Variants in ADAMTS6 observed in about 807,000 individuals in gnomAD.
The protein encoded by ADAMTS6 is ADAM metallopeptidase with thrombospondin type 1 motif 6, also known as A disintegrin and metalloproteinase with thrombospondin motifs 6.
In ADAMTS6, 23 loss-of-function variants were observed where a neutral mutation model predicts 144.3. The observed-to-expected ratio is 0.16, with a 90% CI of 0.11 to 0.23. The LOEUF is 0.23. ADAMTS6 is among the 10% of genes least tolerant of loss of function. The probability of loss-of-function intolerance (pLI) is 1.00; values close to 1 mark genes in which losing one functional copy is unlikely to be tolerated. For missense variants in ADAMTS6, 999 were observed against 1,379.6 expected, an observed-to-expected ratio of 0.72 and a Z score of 4.37; for synonymous variants, 444 against 457.5, an observed-to-expected ratio of 0.97 and a Z score of 0.38.
intron 24 of ADAMTS6, among the ~76,000 whole-genome samples, chr5:65,170,410 G>A (rs1753543542): frequency 6.6e-6 from 1 of 152,140 alleles, no homozygotes; most frequent in Non-Finnish European, 1.5e-5. Context: ...GCTCCAGAGA[G>A]GTTAAGTGAC....
chr5:65,199,365 C>T (rs1173983203), intron 20 of ADAMTS6, among the ~76,000 whole-genome samples: 5 of 152,086 alleles, frequency 3.3e-5, no homozygotes, highest in Non-Finnish European at 7.4e-5. Flanking sequence ...TGTTGTTTGG[C>T]TATAATTACA....
chr5:65,297,118 G>A (rs1191755527), intron 10 of ADAMTS6: 8 of 434,104 alleles, frequency 1.8e-5, no homozygotes, highest in Non-Finnish European at 2.7e-5. Flanking sequence ...CTGCAAAGCC[G>A]TCGCCGGAAA....
In ADAMTS6 at chr5:65,334,023, A is replaced by AC. The variant is rs1747056933; in HGVS notation, c.1117+18_1117+19insG. 2.9e-6 allele frequency: 4 copies of AC among 1,397,938 alleles called. No individual in the cohort carries two copies. The highest frequency in any genetic ancestry group is 1.9e-4 in the Middle Eastern group (1 of 5,224). 86.6% of individuals were successfully genotyped at this position (1,397,938 alleles called of 1,614,324 possible). ...AAAAAAAAAAAAAAAAAAAAAAAAA[A>AC]AAACCAAAAAAAACTTACCCAGTGT... On this transcript the variant is annotated intron_variant, in intron 8 of 24. Coordinates refer to ENST00000381055, the MANE Select transcript of ADAMTS6 (RefSeq NM_197941.4).
chr5:65,453,045 G>C (rs552012673), intron 4 of ADAMTS6, 127 bp from the exon 5 acceptor site: 11 of 692,610 alleles, frequency 1.6e-5, no homozygotes, highest in Non-Finnish European at 2.4e-5. Context: ...AAGAGAATGA[G>C]AAAATGCAGT....
rs564834814 is a variant in ADAMTS6, at chr5:65,324,605, T to C, written c.1223+4773A>G. 8.5e-4 allele frequency among the ~76,000 whole-genome samples: 129 copies of C among 152,022 alleles called. 1 individual carries two copies. Among genetic ancestry groups the C allele is most frequent in the African/African-American group, 3.0e-3 (126 of 41,502 alleles). ...TTATATATATAATGGATAAAAGTCT[T>C]TATCATATTTATATGTGTATATATA... On this transcript the variant is annotated intron_variant, in intron 9 of 24. Transcript: ENST00000381055.
chr5:65,351,792 C>T (rs901727377), intron 7 of ADAMTS6, among the ~76,000 whole-genome samples: 2 of 151,124 alleles, frequency 1.3e-5, no homozygotes, highest in African/African-American at 2.4e-5. Flanking sequence ...AGAGAGAATT[C>T]GTCTTCTTAA....
chr5:65,425,962 AC>A (rs775659099), intron 7 of ADAMTS6, among the ~76,000 whole-genome samples: 2 of 151,048 alleles, frequency 1.3e-5, no homozygotes, highest in Non-Finnish European at 3.0e-5. Flanking sequence ...ACGGGATTTC[AC>A]CATGGTCTCG....
chr5:65,259,972 CTCAG>C (rs1221365505), intron 14 of ADAMTS6, among the ~76,000 whole-genome samples: 3 of 152,072 alleles, frequency 2.0e-5, no homozygotes, highest in Non-Finnish European at 4.4e-5. Flanking sequence ...CACTTTGAGG[CTCAG>C]TCATTCAAGG....
chr5:65,213,768 G>A (rs1244026021), intron 20 of ADAMTS6, among the ~76,000 whole-genome samples: 1 of 152,126 alleles, frequency 6.6e-6, no homozygotes, highest in African/African-American at 2.4e-5. Flanking sequence ...ACAGGATGAA[G>A]TCTATATAAA....
intron 10 of ADAMTS6, among the ~76,000 whole-genome samples, chr5:65,297,538 A>G (rs1052163805): frequency 2.6e-5 from 4 of 152,204 alleles, no homozygotes; most frequent in Admixed American, 1.3e-4. Flanking sequence ...AAGCTAAAAT[A>G]AAATGTTATG....
chr5:65,176,675 C>T (rs1754001515), intron 22 of ADAMTS6, among the ~76,000 whole-genome samples: 1 of 152,094 alleles, frequency 6.6e-6, no homozygotes, highest in Admixed American at 6.5e-5. Context: ...AAAATCTTAC[C>T]TTATGGTCTG....
chr5:65,402,526 T>G (rs6875192), intron 7 of ADAMTS6, among the ~76,000 whole-genome samples: 9,442 of 152,140 alleles, frequency 0.062, 876 homozygotes, highest in African/African-American at 0.2. Flanking sequence ...TTCTTATTAT[T>G]TACTCTCAGC....
chr5:65,199,995 T>A (rs1459872456), intron 20 of ADAMTS6, among the ~76,000 whole-genome samples: 2 of 152,178 alleles, frequency 1.3e-5, no homozygotes, highest in Admixed American at 6.5e-5. Flanking sequence ...AATTGCTCTA[T>A]ATTTTATGAA....
intron 14 of ADAMTS6, among the ~76,000 whole-genome samples, chr5:65,257,253 T>G (rs977480402): frequency 6.6e-6 from 1 of 152,118 alleles, no homozygotes; most frequent in Non-Finnish European, 1.5e-5. Context: ...ACTTAAGTTC[T>G]TTGAACTCCT....
intron 14 of ADAMTS6, among the ~76,000 whole-genome samples, chr5:65,255,275 A>T (rs1488132465): frequency 6.6e-6 from 1 of 151,612 alleles, no homozygotes; most frequent in African/African-American, 2.4e-5. Context: ...TTTAATTTTA[A>T]TTTTTTTATT....
At chr5:65,307,492 G>A (rs548842989) in intron 9 of ADAMTS6, among the ~76,000 whole-genome samples, 1 of 152,254 alleles carries the variant, frequency 6.6e-6, no homozygotes, top group Admixed American at 6.5e-5. Context: ...CTTATAAAAC[G>A]TAGGATCCAG....
chr5:65,356,435 T>C (rs952711656), intron 7 of ADAMTS6, among the ~76,000 whole-genome samples: 37 of 151,996 alleles, frequency 2.4e-4, no homozygotes, highest in African/African-American at 8.4e-4. Flanking sequence ...TTATGTCAAA[T>C]GACAACTGCT....
intron 14 of ADAMTS6, among the ~76,000 whole-genome samples, chr5:65,254,177 C>G (rs1349767725): frequency 6.6e-6 from 1 of 151,938 alleles, no homozygotes; most frequent in South Asian, 2.1e-4. Flanking sequence ...ATCACCTCAC[C>G]TTTTATGATT....
At chr5:65,320,602 A>T (rs541032222) in intron 9 of ADAMTS6, among the ~76,000 whole-genome samples, 2 of 151,594 alleles carry the variant, frequency 1.3e-5, no homozygotes, top group South Asian at 4.2e-4. Flanking sequence ...AAGGTTTGTT[A>T]CATAGGTAAA....
Sources: gnomAD v4.1 joint callset for allele counts (sites outside exome capture counted in the v4.1 genomes callset) on GRCh38, gnomAD v4.1.1 for gene constraint, MANE v1.5 for transcripts, NCBI Gene and HGNC (gene_info 2026-07-23, HGNC 2026-07-21) for gene names.